The following TNR variants were observed in gnomAD, a reference collection of about 807,000 sequenced individuals.
TNR encodes tenascin R, also known as tenascin-R.
TNR carries 45 observed loss-of-function variants against 150.4 expected under a neutral mutation model. That is an observed-to-expected ratio of 0.30 (90% CI 0.24 to 0.38). The LOEUF is 0.38. TNR is among the 10% of genes least tolerant of loss of function. The probability of loss-of-function intolerance (pLI) is 1.00; values close to 1 mark genes in which losing one functional copy is unlikely to be tolerated. For missense variants in TNR, 1,544 were observed against 1,759.1 expected (o/e 0.88, Z 2.19); for synonymous variants, 687 against 678.4 (o/e 1.01, Z -0.20).
At chr1:175,680,404 A>G (rs1665993965) in intron 1 of TNR, among the ~76,000 whole-genome samples, 1 of 152,172 alleles carries the variant, frequency 6.6e-6, no homozygotes, top group African/African-American at 2.4e-5. Flanking sequence ...GAGACAAAAG[A>G]GAAGCATGGC....
At chr1:175,443,233 G>A (rs375277535) in intron 2 of TNR, among the ~76,000 whole-genome samples, 6 of 152,040 alleles carry the variant, frequency 3.9e-5, no homozygotes, top group Non-Finnish European at 5.9e-5. Flanking sequence ...TCCCTTCAGC[G>A]TTTACAACTA....
Position 175,426,876 on chromosome 1 carries a change from TATATAAAATATAAATATATATAAA to T in TNR, c.-63-20123_-63-20100del, listed in dbSNP as rs1165152842. On this transcript the variant is annotated intron_variant, in intron 2 of 22. Transcript: ENST00000367674. ...ATAAATATATATAAAATATATTATA[TATATAAAATATAAATATATATAAA>T]ATATATTATATATATAAAATATAAA... is the stretch of plus-strand genomic sequence containing the variant. Among the ~76,000 whole-genome samples the T allele has an allele frequency of 4.9e-4, 32 of 65,684 alleles. 2 individuals carry two copies. Among genetic ancestry groups the T allele is most frequent in the African/African-American group, 2.2e-3 (31 of 13,992 alleles). The allele number at this position is 65,684 out of a possible 152,430, so 43.1% of individuals were successfully genotyped here.
At chr1:175,352,130 G>A (rs1022005959) in intron 18 of TNR, among the ~76,000 whole-genome samples, 5 of 152,144 alleles carry the variant, frequency 3.3e-5, no homozygotes, top group African/African-American at 9.7e-5. Flanking sequence ...ACTGCTTGGC[G>A]CAGCTGCATC....
chr1:175,373,851 C>T (rs1351962), intron 9 of TNR, among the ~76,000 whole-genome samples: 3,684 of 152,296 alleles, frequency 0.024, 162 homozygotes, highest in African/African-American at 0.085. Context: ...GTCCCAGCTC[C>T]GTGAGGAAGA....
intron 20 of TNR, 98 bp from the exon 21 acceptor site, chr1:175,330,333 A>T: frequency 7.5e-7 from 1 of 1,325,990 alleles, no homozygotes; most frequent in Non-Finnish European, 1.0e-6. Context: ...GTTACAGGGA[A>T]GAGGAGGGGA....
At position 175,410,758 on chromosome 1, in the gene TNR, A is replaced by ATGG. The variant is rs1654177500; in HGVS notation, c.-63-3984_-63-3982dup. Among the ~76,000 whole-genome samples the ATGG allele has an allele frequency of 2.0e-5, 3 of 152,196 alleles. No homozygotes were observed. The South Asian group carries it at 6.2e-4, about 32-fold the overall frequency. ...CTGGAGGTGACTGGCAGAGTTCAAG[A>ATGG]TGGTGGCTGCTCTGCTCTGCCAGCC... On this transcript the variant is annotated intron_variant, in intron 2 of 22. Transcript: ENST00000367674.
chr1:175,676,729 C>T (rs775724600), intron 1 of TNR, among the ~76,000 whole-genome samples: 5 of 152,232 alleles, frequency 3.3e-5, no homozygotes, highest in South Asian at 2.1e-4. Context: ...TTATTCCTTA[C>T]GTTGGTATGG....
chr1:175,416,636 C>G (rs1050603281), intron 2 of TNR, among the ~76,000 whole-genome samples: 1 of 152,132 alleles, frequency 6.6e-6, no homozygotes, highest in Non-Finnish European at 1.5e-5. Flanking sequence ...AGAAAGTTTG[C>G]CAGCCAGACT....
chr1:175,530,105 G>A (rs915770575), intron 1 of TNR, among the ~76,000 whole-genome samples: 8 of 152,098 alleles, frequency 5.3e-5, no homozygotes, highest in African/African-American at 1.7e-4. Flanking sequence ...GACGCTAATC[G>A]TTTCTCCCAA....
intron 1 of TNR, among the ~76,000 whole-genome samples, chr1:175,736,959 T>A (rs1032814409): frequency 1.3e-5 from 2 of 152,060 alleles, no homozygotes; most frequent in Non-Finnish European, 2.9e-5. Flanking sequence ...AGGTAGAGTC[T>A]ATGGTGAGCC....
At chr1:175,411,151 T>A (rs191462221) in intron 2 of TNR, among the ~76,000 whole-genome samples, 1 of 152,270 alleles carries the variant, frequency 6.6e-6, no homozygotes, top group East Asian at 1.9e-4. Context: ...GGAAACAGAT[T>A]TTAGCTCAAA....
intron 1 of TNR, among the ~76,000 whole-genome samples, chr1:175,569,973 A>C (rs1224672466): frequency 6.6e-6 from 1 of 152,142 alleles, no homozygotes; most frequent in East Asian, 1.9e-4. Flanking sequence ...TGTACATTTG[A>C]GTCAATATGG....
At chr1:175,556,540 C>T (rs1394772105) in intron 1 of TNR, 1 of 152,158 alleles carries the variant, frequency 6.6e-6, no homozygotes, top group Non-Finnish European at 1.5e-5. Context: ...AGCAGGACCC[C>T]ATTATCCACA....
At chr1:175,515,063 G>A (rs528209145) in intron 2 of TNR, among the ~76,000 whole-genome samples, 3 of 152,204 alleles carry the variant, frequency 2.0e-5, no homozygotes, top group Non-Finnish European at 2.9e-5. Context: ...TGAATGTCAG[G>A]TTATGAAAAT....
At chr1:175,419,707 C>T (rs955211509) in intron 2 of TNR, among the ~76,000 whole-genome samples, 1 of 152,076 alleles carries the variant, frequency 6.6e-6, no homozygotes, top group Non-Finnish European at 1.5e-5. Flanking sequence ...GTCTCAAACT[C>T]CTGACCTCAG....
At chr1:175,622,075 C>T (rs1663995236) in intron 1 of TNR, among the ~76,000 whole-genome samples, 1 of 152,174 alleles carries the variant, frequency 6.6e-6, no homozygotes, top group Non-Finnish European at 1.5e-5. Flanking sequence ...AAGCAGAGTG[C>T]TTTGTACATA....
chr1:175,367,419 C>A, intron 9 of TNR, 122 bp from the exon 10 acceptor site: 1 of 797,204 alleles, frequency 1.3e-6, no homozygotes, highest in South Asian at 1.6e-5. Flanking sequence ...TCCTTGAATC[C>A]TCTCCTAATT....
chr1:175,444,175 G>T (rs118126523), intron 2 of TNR, among the ~76,000 whole-genome samples: 4 of 152,160 alleles, frequency 2.6e-5, no homozygotes, highest in Non-Finnish European at 5.9e-5. Context: ...ATACAAAGCC[G>T]AGGCATCTGA....
intron 22 of TNR, 62 bp downstream of exon 22, chr1:175,324,294 G>C: frequency 3.2e-6 from 5 of 1,545,702 alleles, no homozygotes; most frequent in Non-Finnish European, 4.4e-6. Flanking sequence ...AAAATATAAA[G>C]CTAAGGGAGC....
Sources: allele counts gnomAD v4.1 joint callset (sites outside exome capture counted in the v4.1 genomes callset), GRCh38; gene constraint gnomAD v4.1.1; transcripts MANE v1.5; gene names NCBI Gene and HGNC (gene_info 2026-07-23, HGNC 2026-07-21).